FANCA: variants seen among roughly 807,000 people sequenced by gnomAD.
FANCA encodes the protein FA complementation group A.
In FANCA, 236 loss-of-function variants were observed where a neutral mutation model predicts 194.3. The ratio of observed to expected loss-of-function variants is 1.21; its 90% CI spans 1.09 to 1.35. The LOEUF is 1.35. Ranked by LOEUF, FANCA falls within the 40% of genes most tolerant of loss-of-function variation. FANCA has a pLI of 0.00. For synonymous variants in FANCA, 1,014 were observed against 715.8 expected, an observed-to-expected ratio of 1.42 and a Z score of -6.65; for missense variants, 2,628 against 1,813.9, an observed-to-expected ratio of 1.45 and a Z score of -8.15.
chr16:89,759,318 TAAAAAAAAAAAAAAAAAA>T (rs71137673), intron 29 of FANCA, among the ~76,000 whole-genome samples: 4 of 75,206 alleles, frequency 5.3e-5, no homozygotes, highest in South Asian at 9.0e-4. Flanking sequence ...AGACTCCGTC[TAAAAAAAAAAAAAAAAAA>T]AAAAAAAAAA....
At chr16:89,791,023 GTTTTTTTTT>G (rs11355118) in intron 14 of FANCA, 4 of 94,820 alleles carry the variant, frequency 4.2e-5, no homozygotes, top group Middle Eastern at 6.1e-3. Context: ...GTGTGTGTGT[GTTTTTTTTT>G]TTTTTTTTTT....
chr16:89,778,058 A>G (rs1488834202), intron 20 of FANCA, among the ~76,000 whole-genome samples: 4 of 149,188 alleles, frequency 2.7e-5, no homozygotes, highest in Non-Finnish European at 5.9e-5. Flanking sequence ...GCTACTCAGG[A>G]GGCTGAGGCA....
intron 21 of FANCA, 135 bp downstream of exon 21, chr16:89,775,607 C>T: frequency 2.8e-6 from 2 of 721,244 alleles, no homozygotes; most frequent in Non-Finnish European, 5.0e-6. Flanking sequence ...TGGGCGGACC[C>T]TGTACCCAAA....
At chr16:89,765,088 C>A (rs1028315478) in intron 27 of FANCA, 22 bp from the exon 28 acceptor site, 2 of 1,613,518 alleles carry the variant, frequency 1.2e-6, no homozygotes, top group Admixed American at 3.3e-5. Context: ...AGTGACCCGG[C>A]CGTTTCTTCA....
chr16:89,751,822 G>C (rs1486197341), intron 31 of FANCA, among the ~76,000 whole-genome samples: 2 of 151,486 alleles, frequency 1.3e-5, no homozygotes, highest in African/African-American at 2.4e-5. Context: ...CCAGGCTGGA[G>C]TGCAGTGGCA....
intron 33 of FANCA, among the ~76,000 whole-genome samples, chr16:89,747,236 T>C (rs1304503536): frequency 6.6e-6 from 1 of 152,218 alleles, no homozygotes; most frequent in African/African-American, 2.4e-5. Context: ...GGGCCAACCA[T>C]CCTCTGGTCC....
rs2039395190 is a variant in FANCA, at chr16:89,773,504, G to A, written c.1901-120C>T. 7.9e-6 allele frequency: 6 copies of A among 762,698 alleles called. No individual in the cohort carries two copies. In the Admixed American group the frequency reaches 1.2e-4, roughly 15 times the overall value. The allele number at this position is 762,698 out of a possible 1,614,324, so 47.2% of individuals were successfully genotyped here. ...AACTTCCAAGCTGCTGTGTGTGGCA[G>A]ACGGAGGGACTGGGAGTCTCTGAGG... On this transcript the variant is annotated intron_variant, in intron 21 of 42. Transcript: ENST00000389301.
intron 36 of FANCA, 134 bp from the exon 37 acceptor site, chr16:89,743,072 C>T (rs1014437071): frequency 2.9e-6 from 3 of 1,034,380 alleles, no homozygotes; most frequent in Non-Finnish European, 4.1e-6. Context: ...GTTTCAGGAC[C>T]ATCAGAAACT....
At chr16:89,744,908 G>T in intron 36 of FANCA, 51 bp downstream of exon 36, 1 of 1,527,800 alleles carries the variant, frequency 6.5e-7, no homozygotes, top group Non-Finnish European at 9.0e-7. Flanking sequence ...CCTTGAGCAG[G>T]TCCCGAAGTG....
At chr16:89,804,983 C>G (rs2040584000) in intron 7 of FANCA, among the ~76,000 whole-genome samples, 1 of 152,182 alleles carries the variant, frequency 6.6e-6, no homozygotes, top group Non-Finnish European at 1.5e-5. Context: ...TTGCAGTGAG[C>G]TGAGATCGCG....
At chr16:89,796,574 G>A (rs9933901) in intron 10 of FANCA, among the ~76,000 whole-genome samples, 64,548 of 152,054 alleles carry the variant, frequency 0.42, 15,121 homozygotes, top group East Asian at 0.74. Context: ...GGGTGAATGG[G>A]GTCACAGAGC....
In FANCA at chr16:89,808,967, G is replaced by A. The variant is rs537067571; in HGVS notation, c.523-600C>T. Among the ~76,000 whole-genome samples, 8 of 151,428 alleles carry A rather than the reference G, an allele frequency of 5.3e-5. No homozygotes were observed. The East Asian group carries it at 1.4e-3, about 26-fold the overall frequency. On this transcript the variant is annotated intron_variant, in intron 5 of 42. Coordinates refer to ENST00000389301, the MANE Select transcript of FANCA (RefSeq NM_000135.4). ...GTCACCCAGGCTGGAGTGCAGTGGC[G>A]CCATCTCGGGTCACTGTAAGCTCTG... is the stretch of plus-strand genomic sequence containing the variant.
chr16:89,801,046 AG>A (rs1170255705), intron 8 of FANCA, among the ~76,000 whole-genome samples: 56 of 148,658 alleles, frequency 3.8e-4, no homozygotes, highest in Non-Finnish European at 6.6e-4. Context: ...AAAAAAAAAA[AG>A]AAAAAAGAAA....
At chr16:89,754,973 C>G (rs1308103899) in intron 30 of FANCA, among the ~76,000 whole-genome samples, 1 of 152,152 alleles carries the variant, frequency 6.6e-6, no homozygotes, top group African/African-American at 2.4e-5. Flanking sequence ...TTGGAGGCCT[C>G]ACACTTCCCA....
chr16:89,761,596 A>G (rs566437038), intron 29 of FANCA, among the ~76,000 whole-genome samples: 1 of 152,194 alleles, frequency 6.6e-6, no homozygotes, highest in African/African-American at 2.4e-5. Context: ...CTTTAAGGCA[A>G]TGTGGAAAAC....
intron 8 of FANCA, among the ~76,000 whole-genome samples, chr16:89,801,663 G>T (rs998152687): frequency 1.3e-5 from 2 of 152,124 alleles, no homozygotes; most frequent in African/African-American, 4.8e-5. Context: ...GCCAAGGCAG[G>T]CAGATCATGA....
At position 89,749,889 on chromosome 16, in the gene FANCA, T is replaced by C; in HGVS notation, c.3080A>G (p.Asp1027Gly). ...TATGAGGTCTTGCTGCAGCTCCAGG[T>C]CAGCTACCATCTCCTGAAAAAGAGC... The part of the protein sequence containing the change: ...IISRLQEMVA[D>G]LELQQDLIVP... Residue 1027 changes from aspartate to glycine, a missense_variant, in exon 32 of 43, where the codon GAC becomes GGC. Physicochemically the swap from Asp to Gly is moderately conservative, Grantham distance 94. Coordinates refer to ENST00000389301, the MANE Select transcript of FANCA (RefSeq NM_000135.4). 2 of 1,614,076 alleles carry C rather than the reference T, an allele frequency of 1.2e-6. No individual in the cohort carries two copies. The highest frequency in any genetic ancestry group is 1.7e-4 in the Middle Eastern group (1 of 6,010).
At chr16:89,812,671 CTG>C (rs1457148414) in intron 3 of FANCA, among the ~76,000 whole-genome samples, 34 of 95,498 alleles carry the variant, frequency 3.6e-4, no homozygotes, top group African/African-American at 1.0e-3. Context: ...AAAAAAAAAA[CTG>C]TTAACTGCAG....
rs2038407878 is a variant in FANCA at position 89,746,840 on chromosome 16, GT to G, written c.3398del (p.His1133ProfsTer7). On this transcript the variant is annotated frameshift_variant, in exon 34 of 43. Transcript: ENST00000389301. LOFTEE classifies it high-confidence loss of function. ...TGAGGGAGCATCTCACCCTGAAGAAGTGGGCAGTGATGTCCTGTGTCAGGGC... is the reference window on the plus strand; with the variant it reads ...TGAGGGAGCATCTCACCCTGAAGAAGGGGCAGTGATGTCCTGTGTCAGGGC... ...GGALTQDITAHFFRGLLNACL... is the reference protein window; with the variant it reads ...GGALTQDITAXFFRGLLNACL... The G allele has an allele frequency of 6.4e-7, 1 of 1,564,706 alleles. No homozygotes were observed. Among genetic ancestry groups the G allele is most frequent in the Non-Finnish European group, 8.7e-7 (1 of 1,153,414 alleles).
Sources: allele counts gnomAD v4.1 joint callset (sites outside exome capture counted in the v4.1 genomes callset), GRCh38; gene constraint gnomAD v4.1.1; transcripts MANE v1.5; gene names NCBI Gene and HGNC (gene_info 2026-07-23, HGNC 2026-07-21).